ARAP3: variants seen among roughly 807,000 people sequenced by gnomAD.
ARAP3 encodes the protein arf-GAP with Rho-GAP domain, ANK repeat and PH domain-containing protein 3.
Under a neutral mutation model 169.2 loss-of-function variants are expected in ARAP3, and 82 were observed. That is an observed-to-expected ratio of 0.48 (90% CI 0.41 to 0.58). The LOEUF is 0.58. Ranked by LOEUF, ARAP3 falls within the 20% of genes least tolerant of loss-of-function variation. The pLI, the probability that ARAP3 is intolerant of heterozygous loss-of-function variation, is 0.00. For synonymous variants in ARAP3, 791 were observed against 800.3 expected (o/e 0.99, Z 0.20); for missense variants, 1,764 against 2,018.0 (o/e 0.87, Z 2.41).
chr5:141,653,631 G>A lies in ARAP3; in HGVS notation c.*319C>T, dbSNP rs73794961. 9.2e-3 allele frequency: 2,171 copies of A among 236,122 alleles called. 39 individuals carry two copies. The highest frequency in any genetic ancestry group is 0.045 in the African/African-American group (2,010 of 44,356). 14.6% of individuals were successfully genotyped at this position (236,122 alleles called of 1,614,324 possible). ...CCAAAATCTCTCATGGAACCCCTAC[G>A]TATCAAATATATAAAGCAGGAGCTG... is the stretch of plus-strand genomic sequence containing the variant. On this transcript the variant is annotated 3_prime_UTR_variant, in exon 33 of 33. Coordinates refer to ENST00000239440, the MANE Select transcript of ARAP3 (RefSeq NM_022481.6).
In ARAP3 at chr5:141,662,823, C is replaced by T. The variant is rs537845875; in HGVS notation, c.2801-568G>A. Among the ~76,000 whole-genome samples, 23 of 152,308 alleles carry T rather than the reference C, an allele frequency of 1.5e-4. 1 individual carries two copies. The South Asian group carries it at 4.3e-3, about 29-fold the overall frequency. The stretch of plus-strand genomic sequence containing the variant: ...TCTAGTGTTTCTACGTGTGAGAAAG[C>T]TGTGACATGCCTTACAGAGAAAATA... On this transcript the variant is annotated intron_variant, in intron 19 of 32. Transcript: ENST00000239440.
chr5:141,666,286 G>T, intron 17 of ARAP3, 138 bp downstream of exon 17: 1 of 769,916 alleles, frequency 1.3e-6, no homozygotes. Flanking sequence ...CTAAAGCTGG[G>T]CAGTTTCCCT....
At position 141,663,222 on chromosome 5, in the gene ARAP3, G is replaced by A. The variant is rs186474452; in HGVS notation, c.2801-967C>T. On this transcript the variant is annotated intron_variant, in intron 19 of 32. Coordinates refer to ENST00000239440, the MANE Select transcript of ARAP3 (RefSeq NM_022481.6). ...GCCATATCCCCAGTGTCTGACACAC[G>A]GTAGCAGCTCAACCAATGTATGCTG... is the stretch of plus-strand genomic sequence containing the variant. 5.9e-5 allele frequency among the ~76,000 whole-genome samples: 9 copies of A among 152,240 alleles called. No individual in the cohort carries two copies. The East Asian group carries it at 9.7e-4, about 16-fold the overall frequency.
chr5:141,654,603 A>G (rs971979857), intron 32 of ARAP3, among the ~76,000 whole-genome samples, 168 bp from the exon 33 acceptor site: 3 of 152,192 alleles, frequency 2.0e-5, no homozygotes, highest in African/African-American at 7.2e-5. Context: ...ACTGAATGCA[A>G]AGGGGTTAAG....
In ARAP3 at chr5:141,656,788, G is replaced by T; in HGVS notation, c.3585C>A (p.Leu1195=). ...VLEQALQWCQ[L]PEPCSASLLL... is the part of the protein sequence containing the mutation. ...GCAGGGAAGCTGAGCAGGGCTCTGG[G>T]AGCTGGCACCATTGTAAAGCCTGCT... Residue 1195 remains leucine, a synonymous_variant, in exon 26 of 33, where the codon CTC becomes CTA. Transcript: ENST00000239440. 2 of 1,612,674 alleles carry T rather than the reference G, an allele frequency of 1.2e-6. No individual in the cohort carries two copies. The highest frequency in any genetic ancestry group is 1.7e-6 in the Non-Finnish European group (2 of 1,179,418).
At chr5:141,673,502 G>A (rs2099911721) in intron 5 of ARAP3, 32 bp from the exon 6 acceptor site, 6 of 1,614,150 alleles carry the variant, frequency 3.7e-6, no homozygotes, top group South Asian at 1.1e-5. Flanking sequence ...ATCAGTGTTT[G>A]AGGTTGCATG....
rs914333930 is a variant in ARAP3 at position 141,673,153 on chromosome 5, T to C, written c.973-20A>G. 3.1e-6 allele frequency: 5 copies of C among 1,613,962 alleles called. No individual in the cohort carries two copies. Among genetic ancestry groups the C allele is most frequent in the African/African-American group, 1.3e-5 (1 of 74,912 alleles). Reference sequence around the variant, plus strand: ...GGGGTCCTGGAGAGAGAGAGCTCAATGACCCATGAGGACAGGAACTGAGCC... The same window carrying C: ...GGGGTCCTGGAGAGAGAGAGCTCAACGACCCATGAGGACAGGAACTGAGCC... On this transcript the variant is annotated intron_variant, in intron 6 of 32. Coordinates refer to ENST00000239440, the MANE Select transcript of ARAP3 (RefSeq NM_022481.6).
At position 141,658,770 on chromosome 5, in the gene ARAP3, C is replaced by G. The variant is rs55650667; in HGVS notation, c.3337-117G>C. The G allele has an allele frequency of 3.4e-4, 295 of 864,302 alleles. 3 individuals carry two copies. In the South Asian group the frequency reaches 5.0e-3, roughly 15 times the overall value. The allele number at this position is 864,302 out of a possible 1,614,324, so 53.5% of individuals were successfully genotyped here. On this transcript the variant is annotated intron_variant, in intron 23 of 32. Transcript: ENST00000239440. ...TCTTCCAACAAAGGTCTCCTCCCAA[C>G]CCCAATGTCACTCAGGCTCTTAAAA...
intron 1 of ARAP3, chr5:141,680,741 C>G (rs1199364847): frequency 6.2e-6 from 4 of 647,870 alleles, no homozygotes; most frequent in African/African-American, 1.8e-5. Context: ...GGGGCTTGCC[C>G]CAGGTTCACA....
chr5:141,655,270 C>A (rs970045632), intron 32 of ARAP3, 92 bp downstream of exon 32: 15 of 1,340,280 alleles, frequency 1.1e-5, no homozygotes, highest in Non-Finnish European at 1.5e-5. Context: ...CCCCTGATGG[C>A]CTACATGAGG....
chr5:141,676,572 T>C (rs1173610469), intron 4 of ARAP3, among the ~76,000 whole-genome samples: 1 of 152,118 alleles, frequency 6.6e-6, no homozygotes, highest in Non-Finnish European at 1.5e-5. Context: ...AGTCCTATCA[T>C]ACTCAGCAGC....
rs144772220 is a variant in ARAP3, at chr5:141,680,336, C to T, written c.151G>A (p.Ala51Thr). ...HEELKQLGIS[A>T]TGHRKRILRL... ...AGAATGCGTTTCCGGTGCCCTGTGGCGCTGATGCCCAACTGCTTCAACTCC... is the reference window on the plus strand; with the variant it reads ...AGAATGCGTTTCCGGTGCCCTGTGGTGCTGATGCCCAACTGCTTCAACTCC... The change falls in exon 2 of 33, where the codon GCC (alanine) becomes ACC (threonine). Residue 51 changes from alanine (A) to threonine (T), a missense_variant. This residue lies in a region of ARAP3 where 630 missense variants were observed against 678.7 expected (regional missense o/e 0.93). Coordinates refer to ENST00000239440, the MANE Select transcript of ARAP3 (RefSeq NM_022481.6). 68 of 1,614,094 alleles carry T rather than the reference C, an allele frequency of 4.2e-5. No homozygotes were observed. Among genetic ancestry groups the T allele is most frequent in the African/African-American group, 1.6e-4 (12 of 74,946 alleles).
chr5:141,671,589 T>C lies in ARAP3; in HGVS notation c.1835A>G (p.Asp612Gly). 1.2e-6 allele frequency: 2 copies of C among 1,614,050 alleles called. No homozygotes were observed. The highest frequency in any genetic ancestry group is 1.7e-6 in the Non-Finnish European group (2 of 1,179,962). The change falls in exon 12 of 33, where the codon GAT (aspartate) becomes GGT (glycine). Residue 612 changes from aspartate (D) to glycine (G), a missense_variant. This residue lies in a region of ARAP3 where 1,112 missense variants were observed against 1,285.7 expected (regional missense o/e 0.86). Transcript: ENST00000239440. This position sits in a 1 kb window ranked among gnomAD's most constrained non-coding sequence, Gnocchi z 4.9. ...TCCTACCTGGAGAAGCTGGCTATGA[T>C]CTGGGTACTGAGGGTGGGGCTTCCG... is the stretch of plus-strand genomic sequence containing the variant. ...LFRKPHPQYP[D>G]HSQLLQALCA...
chr5:141,676,342 C>T (rs746159738), intron 4 of ARAP3, among the ~76,000 whole-genome samples: 13 of 152,168 alleles, frequency 8.5e-5, no homozygotes, highest in Non-Finnish European at 1.9e-4. Flanking sequence ...AGCAAGACTC[C>T]GTCTCAAAAA....
Position 141,655,345 on chromosome 5 carries a change from G to A in ARAP3, c.4149+17C>T, listed in dbSNP as rs1347931053. ...CAGGGTTGACAGGCACACCGCTGGA[G>A]CAGGCACAATACTCACAAAGAACAT... On this transcript the variant is annotated intron_variant, in intron 32 of 32. Transcript: ENST00000239440. The A allele has an allele frequency of 6.4e-7, 1 of 1,571,968 alleles. No homozygotes were observed. The highest frequency in any genetic ancestry group is 2.3e-5 in the East Asian group (1 of 42,730).
chr5:141,665,530 T>C (rs538454369), intron 17 of ARAP3, among the ~76,000 whole-genome samples, 156 bp from the exon 18 acceptor site: 1 of 152,334 alleles, frequency 6.6e-6, no homozygotes, highest in South Asian at 2.1e-4. Flanking sequence ...TCCCATTTTA[T>C]AGGTGACACA....
chr5:141,673,579 C>T, intron 5 of ARAP3, 26 bp downstream of exon 5: 1 of 1,612,228 alleles, frequency 6.2e-7, no homozygotes, highest in Non-Finnish European at 8.5e-7. Context: ...TCTCTTTTCT[C>T]CCTCCCTTCC....
intron 25 of ARAP3, among the ~76,000 whole-genome samples, chr5:141,658,102 T>G (rs879103644): frequency 1.3e-5 from 2 of 151,748 alleles, no homozygotes; most frequent in Admixed American, 1.3e-4. Flanking sequence ...ACATTTGGAG[T>G]CTGGGCAAAA....
chr5:141,659,964 C>T (rs2154598766), intron 21 of ARAP3, 38 bp from the exon 22 acceptor site: 2 of 1,527,020 alleles, frequency 1.3e-6, no homozygotes, highest in Non-Finnish European at 8.9e-7. Flanking sequence ...AGTGTAGCCA[C>T]TCATTCAGCA....
Sources: gnomAD v4.1 joint callset for allele counts (sites outside exome capture counted in the v4.1 genomes callset) on GRCh38, gnomAD v4.1.1 for gene constraint, gnomAD v4.1.1 regional missense constraint, Gnocchi (gnomAD v3.1) non-coding constraint, MANE v1.5 for transcripts, NCBI Gene and HGNC (gene_info 2026-07-23, HGNC 2026-07-21) for gene names.